DMC1: variants seen among roughly 807,000 people sequenced by gnomAD.
DMC1 encodes DNA meiotic recombinase 1.
In DMC1, 27 loss-of-function variants were observed where a neutral mutation model predicts 50.1. That is an observed-to-expected ratio of 0.54 (90% CI 0.40 to 0.74). The LOEUF (loss-of-function observed/expected upper bound fraction) is 0.74, where lower values mean the gene tolerates loss of function less well. Ranked by LOEUF, DMC1 falls within the 30% of genes least tolerant of loss-of-function variation. The probability of loss-of-function intolerance (pLI) is 0.00; values close to 1 mark genes in which losing one functional copy is unlikely to be tolerated. For missense variants in DMC1, 295 were observed against 420.2 expected, an observed-to-expected ratio of 0.70 and a Z score of 2.60; for synonymous variants, 148 against 136.1, an observed-to-expected ratio of 1.09 and a Z score of -0.61.
At chr22:38,535,437 C>T (rs2090200570) in intron 12 of DMC1, among the ~76,000 whole-genome samples, 3 of 151,970 alleles carry the variant, frequency 2.0e-5, no homozygotes, top group Admixed American at 2.0e-4. Context: ...CACACACACA[C>T]ATACAGGAGA....
chr22:38,548,527 T>C (rs1179416580), intron 8 of DMC1, among the ~76,000 whole-genome samples: 2 of 152,074 alleles, frequency 1.3e-5, no homozygotes, highest in Admixed American at 6.5e-5. Flanking sequence ...GTGAGTGTAA[T>C]TGGGCCACTG....
Position 38,520,119 on chromosome 22 carries a change from T to C in DMC1, c.954-30A>G, listed in dbSNP as rs184517331. 2.4e-5 allele frequency: 37 copies of C among 1,558,316 alleles called. No homozygotes were observed. The East Asian group carries it at 6.1e-4, about 26-fold the overall frequency. ...CAGAATACAAGGGAACAGAAGTTTA[T>C]AAAAAGCTCTATTTCTATAAATACT... On this transcript the variant is annotated intron_variant, in intron 13 of 13. Coordinates refer to ENST00000216024, the MANE Select transcript of DMC1 (RefSeq NM_007068.4).
At chr22:38,521,547 AC>A (rs2090025018) in intron 13 of DMC1, 60 bp downstream of exon 13, 2 of 686,098 alleles carry the variant, frequency 2.9e-6, no homozygotes, top group Non-Finnish European at 4.8e-6. Context: ...CTACACACAC[AC>A]ACACACACAC....
chr22:38,545,462 G>A lies in DMC1; in HGVS notation c.494+4463C>T, dbSNP rs189435013. ...TTTTGAGATGGAGTCTCGCTCTGTC[G>A]CCCAGGCCGGACTGCAGTGGCGCTA... On this transcript the variant is annotated intron_variant, in intron 8 of 13. Coordinates refer to ENST00000216024, the MANE Select transcript of DMC1 (RefSeq NM_007068.4). Among the ~76,000 whole-genome samples, 18 of 151,664 alleles carry A rather than the reference G, an allele frequency of 1.2e-4. No homozygotes were observed. In the East Asian group the frequency reaches 1.4e-3, roughly 11 times the overall value.
chr22:38,531,003 G>T (rs2090146207), intron 12 of DMC1, among the ~76,000 whole-genome samples: 1 of 152,174 alleles, frequency 6.6e-6, no homozygotes, highest in South Asian at 2.1e-4. Flanking sequence ...CTGGGAGGCG[G>T]AGGTTGCAGT....
intron 13 of DMC1, 98 bp from the exon 14 acceptor site, chr22:38,520,187 CCA>C: frequency 9.9e-7 from 1 of 1,008,188 alleles, no homozygotes; most frequent in Non-Finnish European, 1.5e-6. Flanking sequence ...GTCTGAATCT[CCA>C]GAGACATCTC....
At chr22:38,543,735 T>G (rs1391046520) in intron 8 of DMC1, among the ~76,000 whole-genome samples, 2 of 152,170 alleles carry the variant, frequency 1.3e-5, no homozygotes, top group Admixed American at 1.3e-4. Flanking sequence ...ATCTACTCCA[T>G]GCTGAGTCTC....
intron 8 of DMC1, among the ~76,000 whole-genome samples, chr22:38,548,448 G>A (rs2090367667): frequency 6.6e-6 from 1 of 152,100 alleles, no homozygotes; most frequent in South Asian, 2.1e-4. Flanking sequence ...GGTGGTATGT[G>A]CCTGTAGTTC....
chr22:38,521,588 CAA>C lies in DMC1; in HGVS notation c.953+18_953+19del, dbSNP rs1491379809. ...ACACACACACACACACACACACACACAAAATAAAAAAAAATTTACCTGTCATA... is the reference window on the plus strand; with the variant it reads ...ACACACACACACACACACACACACACAATAAAAAAAAATTTACCTGTCATA... On this transcript the variant is annotated intron_variant, in intron 13 of 13. Transcript: ENST00000216024. 203 of 1,219,870 alleles carry C rather than the reference CAA, an allele frequency of 1.7e-4. No individual in the cohort carries two copies. Among genetic ancestry groups the C allele is most frequent in the African/African-American group, 2.4e-4 (15 of 62,496 alleles). The allele number at this position is 1,219,870 out of a possible 1,614,324, so 75.6% of individuals were successfully genotyped here.
At chr22:38,534,903 G>A (rs2090193760) in intron 12 of DMC1, among the ~76,000 whole-genome samples, 1 of 151,926 alleles carries the variant, frequency 6.6e-6, no homozygotes, top group South Asian at 2.1e-4. Flanking sequence ...CTACTCGGGA[G>A]GCTGAGGCAG....
the DMC1 span, among the ~76,000 whole-genome samples, chr22:38,509,473 A>C: frequency 6.6e-6 from 1 of 152,202 alleles, no homozygotes; most frequent in Non-Finnish European, 1.5e-5. Context: ...CAGAGGCAGC[A>C]GTCAGCTATG....
intron 12 of DMC1, among the ~76,000 whole-genome samples, chr22:38,524,175 G>A (rs536239940): frequency 5.3e-4 from 80 of 152,328 alleles, no homozygotes; most frequent in South Asian, 8.3e-4. Context: ...CAGCACTTTG[G>A]GAGGCTGAGG....
chr22:38,534,079 G>A (rs536220153), intron 12 of DMC1, among the ~76,000 whole-genome samples: 1 of 152,296 alleles, frequency 6.6e-6, no homozygotes, highest in African/African-American at 2.4e-5. Context: ...TTGAAGAGCT[G>A]TTCTGATTAA....
intron 12 of DMC1, among the ~76,000 whole-genome samples, chr22:38,533,890 T>C (rs778561738): frequency 6.6e-6 from 1 of 152,254 alleles, no homozygotes; most frequent in Non-Finnish European, 1.5e-5. Flanking sequence ...CAAACTGCCA[T>C]CATGTGCCTC....
intron 13 of DMC1, 81 bp from the exon 14 acceptor site, chr22:38,520,170 C>T (rs1353160181): frequency 5.0e-6 from 6 of 1,189,554 alleles, no homozygotes; most frequent in Non-Finnish European, 6.2e-6. Flanking sequence ...GCATTATGTG[C>T]CCATCAGTCT....
chr22:38,552,838 A>G, intron 6 of DMC1, 131 bp from the exon 7 acceptor site: 2 of 677,434 alleles, frequency 3.0e-6, no homozygotes, highest in South Asian at 3.5e-5. Context: ...CTTATAAAGT[A>G]TCTCGGATGT....
intron 12 of DMC1, among the ~76,000 whole-genome samples, chr22:38,531,881 T>C (rs1292811): frequency 0.98 from 148,664 of 152,244 alleles, 72,624 homozygotes; most frequent in Middle Eastern, 1. Flanking sequence ...ATTGTCTTAT[T>C]GGAATTAATT....
chr22:38,552,568 T>C (rs1334969345), intron 7 of DMC1, 98 bp downstream of exon 7: 3 of 930,738 alleles, frequency 3.2e-6, no homozygotes, highest in Non-Finnish European at 5.2e-6. Context: ...CTTGCAAGTA[T>C]GTTCAGATAT....
At chr22:38,565,590 AAGG>A (rs1213970202) in intron 4 of DMC1, among the ~76,000 whole-genome samples, 1 of 152,238 alleles carries the variant, frequency 6.6e-6, no homozygotes, top group African/African-American at 2.4e-5. Flanking sequence ...CCTGCTCTGC[AAGG>A]AGCAGTACCT....
Sources: gnomAD v4.1 joint callset for allele counts (sites outside exome capture counted in the v4.1 genomes callset) on GRCh38, gnomAD v4.1.1 for gene constraint, MANE v1.5 for transcripts, NCBI Gene and HGNC (gene_info 2026-07-23, HGNC 2026-07-21) for gene names.